RSU1: variants seen among roughly 807,000 people sequenced by gnomAD.
The protein encoded by RSU1 is rsu-1.
Under a neutral mutation model 31.1 loss-of-function variants are expected in RSU1, and 26 were observed. The observed-to-expected ratio is 0.84, with a 90% CI of 0.61 to 1.16. The LOEUF (loss-of-function observed/expected upper bound fraction) is 1.16, where lower values mean the gene tolerates loss of function less well. Among genes scored for constraint, RSU1 ranks in the 50% most tolerant of loss-of-function variants. The probability of loss-of-function intolerance (pLI) is 0.00; values close to 1 mark genes in which losing one functional copy is unlikely to be tolerated. For missense variants in RSU1, 320 were observed against 339.1 expected (o/e 0.94, Z 0.44); for synonymous variants, 164 against 136.3 (o/e 1.20, Z -1.41).
chr10:16,627,478 G>C (rs117110974), intron 8 of RSU1, among the ~76,000 whole-genome samples: 5,799 of 152,258 alleles, frequency 0.038, 183 homozygotes, highest in South Asian at 0.11. Flanking sequence ...TATTGGCCAG[G>C]CATGGTGGCT....
At chr10:16,719,162 G>T (rs746980111) in intron 7 of RSU1, among the ~76,000 whole-genome samples, 1 of 151,862 alleles carries the variant, frequency 6.6e-6, no homozygotes, top group Admixed American at 6.6e-5. Context: ...TAAAAAATTC[G>T]CCGAGTGTGG....
At position 16,731,890 on chromosome 10, in the gene RSU1, C is replaced by T. The variant is rs188260059; in HGVS notation, c.598+20649G>A. ...GCTTTTGAGAGTGGTTAAGATAAGC[C>T]GATATTGTTGGGACAGGGCAGAGAT... On this transcript the variant is annotated intron_variant, in intron 7 of 8. Transcript: ENST00000345264. Among the ~76,000 whole-genome samples, 130 of 152,002 alleles carry T rather than the reference C, an allele frequency of 8.6e-4. 1 individual carries two copies. Among genetic ancestry groups the T allele is most frequent in the Admixed American group, 2.2e-3 (34 of 15,264 alleles).
chr10:16,813,333 A>G (rs1218004707), intron 2 of RSU1, among the ~76,000 whole-genome samples: 1 of 152,242 alleles, frequency 6.6e-6, no homozygotes, highest in Non-Finnish European at 1.5e-5. Flanking sequence ...TACAGGTTCT[A>G]ATAAGCCACA....
intron 7 of RSU1, among the ~76,000 whole-genome samples, chr10:16,726,368 A>G (rs1024072090): frequency 1.5e-4 from 22 of 150,946 alleles, no homozygotes; most frequent in Middle Eastern, 6.8e-3. Flanking sequence ...CCCAGGTTCA[A>G]GTGATTCTCC....
intron 4 of RSU1, 21 bp from the exon 5 acceptor site, chr10:16,755,010 T>A (rs751012081): frequency 2.0e-6 from 3 of 1,493,844 alleles, no homozygotes; most frequent in South Asian, 2.3e-5. Context: ...GGGACAAAAA[T>A]CTATGTCATG....
Position 16,695,164 on chromosome 10 carries a change from G to GGGT in RSU1, c.599-10_599-9insACC, listed in dbSNP as rs770709561. ...AGTTAAATCCAAGTTTCCTGGGGGGGGGGAAAAAAAAAGTGAAGGTCACTT... is the reference window on the plus strand; with the variant it reads ...AGTTAAATCCAAGTTTCCTGGGGGGGGGTGGGAAAAAAAAAGTGAAGGTCACTT... On this transcript the variant is annotated splice_polypyrimidine_tract_variant and intron_variant, in intron 7 of 8. Transcript: ENST00000345264. The GGGT allele has an allele frequency of 5.5e-6, 8 of 1,459,828 alleles. No homozygotes were observed. Among genetic ancestry groups the GGGT allele is most frequent in the Non-Finnish European group, 6.4e-6 (7 of 1,086,494 alleles). The allele number at this position is 1,459,828 out of a possible 1,614,324, so 90.4% of individuals were successfully genotyped here.
intron 8 of RSU1, among the ~76,000 whole-genome samples, chr10:16,671,627 T>TTTTTG (rs1554765411): frequency 1.3e-5 from 2 of 151,752 alleles, no homozygotes; most frequent in African/African-American, 4.9e-5. Context: ...AGGTGTTTTT[T>TTTTTG]TTTGTTTGTT....
At chr10:16,813,939 G>C (rs1838467368) in intron 2 of RSU1, among the ~76,000 whole-genome samples, 1 of 152,168 alleles carries the variant, frequency 6.6e-6, no homozygotes, top group Non-Finnish European at 1.5e-5. Flanking sequence ...AGAAAGACGG[G>C]CATCTCATAT....
chr10:16,745,024 T>G (rs1268774330), intron 7 of RSU1, among the ~76,000 whole-genome samples: 1 of 152,196 alleles, frequency 6.6e-6, no homozygotes, highest in Non-Finnish European at 1.5e-5. Context: ...TTGGATCTAC[T>G]CTGTTGTTTC....
At chr10:16,776,001 G>T (rs998112318) in intron 3 of RSU1, among the ~76,000 whole-genome samples, 1 of 152,116 alleles carries the variant, frequency 6.6e-6, no homozygotes, top group African/African-American at 2.4e-5. Flanking sequence ...CCCCCTCATG[G>T]TTTAATTTCA....
intron 8 of RSU1, among the ~76,000 whole-genome samples, chr10:16,594,597 CATATATAA>C (rs1833575083): frequency 6.9e-6 from 1 of 144,506 alleles, no homozygotes; most frequent in Admixed American, 7.0e-5. Context: ...ATATATATAT[CATATATAA>C]TATCTATTAT....
chr10:16,670,139 T>C (rs117830191), intron 8 of RSU1, among the ~76,000 whole-genome samples: 1 of 152,334 alleles, frequency 6.6e-6, no homozygotes, highest in East Asian at 1.9e-4. Flanking sequence ...ACCAGGTGAA[T>C]TGTTTACTTC....
At position 16,754,902 on chromosome 10, in the gene RSU1, T is replaced by C; in HGVS notation, c.369A>G (p.Glu123=). 1 of 1,612,434 alleles carries C rather than the reference T, an allele frequency of 6.2e-7. No individual in the cohort carries two copies. Among genetic ancestry groups the C allele is most frequent in the African/African-American group, 1.3e-5 (1 of 74,832 alleles). ...AGAAGAAGTTTCCAGGAAGAGAATT[T>C]TCGCTCAAGTTGTTGTACGTCAAGT... is the stretch of plus-strand genomic sequence containing the variant. The part of the protein sequence containing the change: ...VLDLTYNNLS[E]NSLPGNFFYL... The change falls in exon 5 of 9, where the codon GAA becomes GAG. Residue 123 remains glutamate (E), a synonymous_variant. Transcript: ENST00000345264.
intron 8 of RSU1, among the ~76,000 whole-genome samples, chr10:16,664,209 TGAGGGAAATTA>T (rs1319242888): frequency 6.6e-6 from 1 of 152,232 alleles, no homozygotes; most frequent in African/African-American, 2.4e-5. Flanking sequence ...TATGAGGTCT[TGAGGGAAATTA>T]CAGATCACTC....
At chr10:16,728,548 T>C (rs923330910) in intron 7 of RSU1, among the ~76,000 whole-genome samples, 1 of 152,172 alleles carries the variant, frequency 6.6e-6, no homozygotes, top group Non-Finnish European at 1.5e-5. Flanking sequence ...ACTATGAGGT[T>C]CATAGGTGTG....
At chr10:16,646,448 A>C (rs1266956065) in intron 8 of RSU1, among the ~76,000 whole-genome samples, 2 of 151,888 alleles carry the variant, frequency 1.3e-5, no homozygotes, top group African/African-American at 4.8e-5. Context: ...ATGAACCATC[A>C]CCTCCTCTCT....
In RSU1 at chr10:16,597,729, G is replaced by T. The variant is rs144391667; in HGVS notation, c.732-4233C>A. On this transcript the variant is annotated intron_variant, in intron 8 of 8. Transcript: ENST00000345264. ...GGCTGTTTCCCCTGCAAAATAACAGGGTATTTTCTATCAACACTAAATCCC... is the reference window on the plus strand; with the variant it reads ...GGCTGTTTCCCCTGCAAAATAACAGTGTATTTTCTATCAACACTAAATCCC... Among the ~76,000 whole-genome samples the T allele has an allele frequency of 1.7e-4, 26 of 152,206 alleles. No homozygotes were observed. In the East Asian group the frequency reaches 4.8e-3, roughly 28 times the overall value.
chr10:16,730,738 T>C (rs1207732380), intron 7 of RSU1, among the ~76,000 whole-genome samples: 1 of 152,180 alleles, frequency 6.6e-6, no homozygotes, highest in Non-Finnish European at 1.5e-5. Flanking sequence ...AATCCCAACA[T>C]ACAGAGACAT....
chr10:16,678,000 A>C (rs1331807701), intron 8 of RSU1, among the ~76,000 whole-genome samples: 1 of 152,156 alleles, frequency 6.6e-6, no homozygotes, highest in African/African-American at 2.4e-5. Flanking sequence ...AAGAAACAAA[A>C]AAAAAATCCT....
Sources: allele counts gnomAD v4.1 joint callset (sites outside exome capture counted in the v4.1 genomes callset), GRCh38; gene constraint gnomAD v4.1.1; transcripts MANE v1.5; gene names NCBI Gene and HGNC (gene_info 2026-07-23, HGNC 2026-07-21).